Variants in MYLIP observed in about 807,000 individuals in gnomAD.
MYLIP encodes E3 ubiquitin-protein ligase MYLIP.
In MYLIP, 26 loss-of-function variants were observed where a neutral mutation model predicts 45.8. The ratio of observed to expected loss-of-function variants is 0.57; its 90% confidence interval spans 0.42 to 0.79. The LOEUF (loss-of-function observed/expected upper bound fraction) is 0.79. Among genes scored for constraint, MYLIP ranks in the 30% least tolerant of loss-of-function variants. MYLIP has a pLI of 0.00. For synonymous variants in MYLIP, 213 were observed against 218.1 expected (o/e 0.98, Z 0.21); for missense variants, 494 against 555.6 (o/e 0.89, Z 1.11).
In MYLIP at chr6:16,129,289, G is replaced by A. The variant is rs955563647; in HGVS notation, c.-34G>A. 2 of 1,550,030 alleles carry A rather than the reference G, an allele frequency of 1.3e-6. No homozygotes were observed. Among genetic ancestry groups the A allele is most frequent in the African/African-American group, 2.7e-5 (2 of 73,024 alleles). ...GCGGCAGCCCCGCGCACACCAAAGA[G>A]AAGGCGGCTGTGGCGGCAGCGGCAG... is the stretch of plus-strand genomic sequence containing the variant. On this transcript the variant is annotated 5_prime_UTR_variant, in exon 1 of 7. Transcript: ENST00000356840. The surrounding 1 kb of genome is among the most constrained non-coding windows in gnomAD (Gnocchi z 5.1).
intron 2 of MYLIP, among the ~76,000 whole-genome samples, chr6:16,138,478 A>G (rs1759601442): frequency 6.6e-6 from 1 of 152,208 alleles, no homozygotes; most frequent in African/African-American, 2.4e-5. Context: ...GAGCTCTGCT[A>G]TCCTCTGTCT....
intron 2 of MYLIP, among the ~76,000 whole-genome samples, chr6:16,136,417 G>A (rs1298315620): frequency 6.6e-6 from 1 of 152,048 alleles, no homozygotes; most frequent in Non-Finnish European, 1.5e-5. Context: ...ATCAGTGGTT[G>A]GTTCTTTTAT....
intron 4 of MYLIP, 112 bp downstream of exon 4, chr6:16,143,329 G>T (rs1249082148): frequency 5.5e-6 from 6 of 1,088,598 alleles, no homozygotes; most frequent in East Asian, 4.8e-5. Flanking sequence ...AGGAATGAAA[G>T]ATTTCATTTT....
In MYLIP at chr6:16,141,560, T is replaced by C. The variant is rs765082627; in HGVS notation, c.279-65T>C. ...TCCTTAAAAGTGACTGTGAAATTGC[T>C]AAGTAGGCTGAGATTGATGTCAGGT... On this transcript the variant is annotated intron_variant, in intron 2 of 6. Coordinates refer to ENST00000356840, the MANE Select transcript of MYLIP (RefSeq NM_013262.4). 2.6e-5 allele frequency: 37 copies of C among 1,419,666 alleles called. No homozygotes were observed. In the African/African-American group the frequency reaches 5.1e-4, roughly 20 times the overall value. 87.9% of individuals were successfully genotyped at this position (1,419,666 alleles called of 1,614,324 possible). A position where few individuals can be genotyped will look rare whatever the true frequency, so the allele number is the denominator to read the frequency against.
chr6:16,130,529 AT>A lies in MYLIP; in HGVS notation c.88-27del, dbSNP rs761281680. On this transcript the variant is annotated intron_variant, in intron 1 of 6. Transcript: ENST00000356840. ...TTGCTTTGATACGTACCATTTGCTCATCCAGGCTGCATTCCTTTTTGTTTTA... is the reference window on the plus strand; with the variant it reads ...TTGCTTTGATACGTACCATTTGCTCACCAGGCTGCATTCCTTTTTGTTTTA... 14 of 1,608,722 alleles carry A rather than the reference AT, an allele frequency of 8.7e-6. No individual in the cohort carries two copies. The South Asian group carries it at 1.5e-4, about 18-fold the overall frequency.
Position 16,129,983 on chromosome 6 carries a change from G to T in MYLIP, c.87+574G>T, listed in dbSNP as rs1454237502. 6.6e-6 allele frequency among the ~76,000 whole-genome samples: 1 copy of T among 152,358 alleles called. No individual in the cohort carries two copies. Among genetic ancestry groups the T allele is most frequent in the East Asian group, 1.9e-4 (1 of 5,182 alleles). On this transcript the variant is annotated intron_variant, in intron 1 of 6. Coordinates refer to ENST00000356840, the MANE Select transcript of MYLIP (RefSeq NM_013262.4). This position sits in a 1 kb window ranked among gnomAD's most constrained non-coding sequence, Gnocchi z 5.1. Reference sequence around the variant, plus strand: ...CTACTGCTCGGTTGTTTTTAAGCATGTGTTTCCTTAACAGTGAGGGAGATC... The same window carrying T: ...CTACTGCTCGGTTGTTTTTAAGCATTTGTTTCCTTAACAGTGAGGGAGATC...
At chr6:16,145,433 C>G (rs1446914448) in intron 6 of MYLIP, 116 bp downstream of exon 6, 5 of 1,182,358 alleles carry the variant, frequency 4.2e-6, no homozygotes, top group Non-Finnish European at 5.9e-6. Context: ...CCATCTTCAC[C>G]CGGAAAGGGT....
At chr6:16,132,937 A>G (rs940947724) in intron 2 of MYLIP, among the ~76,000 whole-genome samples, 1 of 152,246 alleles carries the variant, frequency 6.6e-6, no homozygotes, top group Admixed American at 6.5e-5. Context: ...ATGAGGGTGC[A>G]TGTAGTGTAG....
chr6:16,133,081 C>A (rs1053743553), intron 2 of MYLIP, among the ~76,000 whole-genome samples: 1 of 152,076 alleles, frequency 6.6e-6, no homozygotes. Context: ...TAGGGAGGCC[C>A]TTGTGAGAAT....
rs776689547 is a variant in MYLIP at position 16,146,751 on chromosome 6, A to C, written c.1338A>C (p.Ter446TyrextTer22). ...HTSLLNLTVI[*>Y] ...GTCTTCTCAATCTGACTGTAATCTA[A>C]TCTGTTGTGCTTTTGTTGGACTTGG... is the stretch of plus-strand genomic sequence containing the variant. Residue 446 changes from the stop codon to tyrosine (Y), a stop_lost, in exon 7 of 7, where the codon TAA (stop) becomes TAC (tyrosine). Transcript: ENST00000356840. 6.2e-7 allele frequency: 1 copy of C among 1,602,862 alleles called. No individual in the cohort carries two copies. Among genetic ancestry groups the C allele is most frequent in the Non-Finnish European group, 8.5e-7 (1 of 1,172,602 alleles).
At chr6:16,133,598 T>C (rs1352833120) in intron 2 of MYLIP, among the ~76,000 whole-genome samples, 2 of 152,248 alleles carry the variant, frequency 1.3e-5, no homozygotes, top group East Asian at 3.8e-4. Flanking sequence ...TCTGAAATAA[T>C]AATCATCTTG....
chr6:16,159,049 T>C, the MYLIP span, among the ~76,000 whole-genome samples: 1 of 152,210 alleles, frequency 6.6e-6, no homozygotes, highest in Non-Finnish European at 1.5e-5. Flanking sequence ...TGACCCAGAC[T>C]GGCTACATTT....
At chr6:16,137,403 A>G (rs1387355714) in intron 2 of MYLIP, among the ~76,000 whole-genome samples, 1 of 152,370 alleles carries the variant, frequency 6.6e-6, no homozygotes, top group East Asian at 1.9e-4. Context: ...AGAGTCAGTC[A>G]TGGCTCTCCA....
chr6:16,152,060 C>G (rs1047887761), downstream of MYLIP, among the ~76,000 whole-genome samples: 17 of 152,074 alleles, frequency 1.1e-4, no homozygotes, highest in African/African-American at 4.1e-4. Context: ...GTAAGTTGTT[C>G]TTTGTCTTGA....
At chr6:16,159,425 G>A in the MYLIP span, among the ~76,000 whole-genome samples, 2 of 152,212 alleles carry the variant, frequency 1.3e-5, no homozygotes, top group African/African-American at 2.4e-5. Context: ...AACACTGTAA[G>A]TATTGTGGAA....
In MYLIP at chr6:16,129,549, C is replaced by T. The variant is rs1267943703; in HGVS notation, c.87+140C>T. Reference sequence around the variant, plus strand: ...GCAGCCGGGGGGAGCGCGTCCCCTCCTCTCCACGGGCGTGGGGCGCGCGGT... The same window carrying T: ...GCAGCCGGGGGGAGCGCGTCCCCTCTTCTCCACGGGCGTGGGGCGCGCGGT... On this transcript the variant is annotated intron_variant, in intron 1 of 6. Coordinates refer to ENST00000356840, the MANE Select transcript of MYLIP (RefSeq NM_013262.4). This position sits in a 1 kb window ranked among gnomAD's most constrained non-coding sequence, Gnocchi z 5.1. 4 of 796,372 alleles carry T rather than the reference C, an allele frequency of 5.0e-6. No homozygotes were observed. In the South Asian group the frequency reaches 5.5e-5, roughly 11 times the overall value. The allele number at this position is 796,372 out of a possible 1,614,324, so 49.3% of individuals were successfully genotyped here.
At chr6:16,133,220 C>T (rs1025320055) in intron 2 of MYLIP, among the ~76,000 whole-genome samples, 1 of 152,230 alleles carries the variant, frequency 6.6e-6, no homozygotes, top group Non-Finnish European at 1.5e-5. Flanking sequence ...CTACATCCTA[C>T]TTGAAGGCCT....
At chr6:16,146,075 C>G (rs1759784163) in intron 6 of MYLIP, among the ~76,000 whole-genome samples, 1 of 152,210 alleles carries the variant, frequency 6.6e-6, no homozygotes, top group South Asian at 2.1e-4. Context: ...TGTCCTTTCC[C>G]CAGAAGCAGT....
chr6:16,160,744 TTGAACCGAGATCATGCCA>T, the MYLIP span, among the ~76,000 whole-genome samples: 3,684 of 152,112 alleles, frequency 0.024, 60 homozygotes, highest in East Asian at 0.053. Context: ...GGAGGTTGCC[TTGAACCGAGATCATGCCA>T]CTGCACTCCA....
Sources: gnomAD v4.1 joint callset for allele counts (sites outside exome capture counted in the v4.1 genomes callset) on GRCh38, gnomAD v4.1.1 for gene constraint, Gnocchi (gnomAD v3.1) non-coding constraint, MANE v1.5 for transcripts, NCBI Gene and HGNC (gene_info 2026-07-23, HGNC 2026-07-21) for gene names.